The following HMGA2 variants were observed in gnomAD, a reference collection of about 807,000 sequenced individuals.
The protein encoded by HMGA2 is high mobility group protein HMGI-C.
HMGA2 carries 8 observed loss-of-function variants against 19.1 expected under a neutral mutation model. The ratio of observed to expected loss-of-function variants is 0.42; its 90% CI spans 0.25 to 0.76. The LOEUF (loss-of-function observed/expected upper bound fraction) is 0.76. Ranked by LOEUF, HMGA2 falls within the 30% of genes least tolerant of loss-of-function variation. The pLI, the probability that HMGA2 is intolerant of heterozygous loss-of-function variation, is 0.28. For missense variants in HMGA2, 109 were observed against 136.3 expected (o/e 0.80, Z 1.00); for synonymous variants, 60 against 48.8 (o/e 1.23, Z -0.96).
intron 3 of HMGA2, among the ~76,000 whole-genome samples, chr12:65,880,931 C>T (rs148014574): frequency 0.012 from 1,758 of 152,210 alleles, 35 homozygotes; most frequent in African/African-American, 0.041. Flanking sequence ...ATGACTGGCA[C>T]GATTCTATCC....
intron 4 of HMGA2, among the ~76,000 whole-genome samples, chr12:65,959,893 T>C (rs571310604): frequency 6.6e-6 from 1 of 152,278 alleles, no homozygotes; most frequent in East Asian, 1.9e-4. Context: ...TTTTTCTTTT[T>C]TTTTCTTTTT....
chr12:65,913,545 C>A (rs2121219779), intron 3 of HMGA2, among the ~76,000 whole-genome samples: 1 of 152,314 alleles, frequency 6.6e-6, no homozygotes, highest in South Asian at 2.1e-4. Flanking sequence ...TATCACTTTT[C>A]AGTCATTTTT....
chr12:65,953,325 T>C (rs1876517361), intron 4 of HMGA2: 2 of 152,160 alleles, frequency 1.3e-5, no homozygotes, highest in African/African-American at 4.8e-5. Context: ...GGGATACAGA[T>C]GAATGAGTGG....
At chr12:65,837,937 G>T (rs2120870049) in intron 2 of HMGA2, among the ~76,000 whole-genome samples, 1 of 152,112 alleles carries the variant, frequency 6.6e-6, no homozygotes, top group East Asian at 1.9e-4. Context: ...ATTGTTTCAG[G>T]CAAGGAACAT....
chr12:65,839,023 G>C (rs1464609980), intron 3 of HMGA2, among the ~76,000 whole-genome samples: 1 of 74,026 alleles, frequency 1.4e-5, no homozygotes, highest in African/African-American at 1.3e-4. Context: ...TTTTCTCCAT[G>C]GCTTTTGTTT....
chr12:65,914,168 A>T lies in HMGA2; in HGVS notation c.250-37215A>T, dbSNP rs560486123. Among the ~76,000 whole-genome samples, 67 of 152,250 alleles carry T rather than the reference A, an allele frequency of 4.4e-4. No homozygotes were observed. In the East Asian group the frequency reaches 0.011, roughly 26 times the overall value. ...CTATATACCCAAATGACTATGAATC[A>T]TGCTGCTATAAAGACACATGCACAC... On this transcript the variant is annotated intron_variant, in intron 3 of 4. Coordinates refer to ENST00000403681, the MANE Select transcript of HMGA2 (RefSeq NM_003483.6).
intron 4 of HMGA2, among the ~76,000 whole-genome samples, chr12:65,960,361 G>A (rs1218170901): frequency 6.6e-6 from 1 of 152,154 alleles, no homozygotes; most frequent in Non-Finnish European, 1.5e-5. Context: ...AAGTCTGGCC[G>A]AACCATGACA....
intron 3 of HMGA2, chr12:65,915,643 C>A: frequency 1.4e-6 from 1 of 735,830 alleles, no homozygotes; most frequent in Non-Finnish European, 1.7e-6. Flanking sequence ...ACATTTCATT[C>A]CCAGCTTCAG....
At chr12:65,867,025 CAGA>C (rs1592401406) in intron 3 of HMGA2, 3 of 447,964 alleles carry the variant, frequency 6.7e-6, no homozygotes, top group East Asian at 1.4e-4. Flanking sequence ...CTAAACACTG[CAGA>C]AGAACAAAGT....
At chr12:65,885,889 T>G (rs999689869) in intron 3 of HMGA2, among the ~76,000 whole-genome samples, 1 of 152,216 alleles carries the variant, frequency 6.6e-6, no homozygotes, top group African/African-American at 2.4e-5. Context: ...AATTACTCAG[T>G]TAAATGGGGA....
intron 3 of HMGA2, among the ~76,000 whole-genome samples, chr12:65,928,215 C>G (rs1360391979): frequency 1.3e-5 from 2 of 151,962 alleles, no homozygotes; most frequent in Non-Finnish European, 2.9e-5. Context: ...AAACTGTAGG[C>G]AATTGTAACA....
At chr12:65,949,000 C>G (rs548383649) in intron 3 of HMGA2, among the ~76,000 whole-genome samples, 8 of 152,086 alleles carry the variant, frequency 5.3e-5, no homozygotes, top group African/African-American at 1.9e-4. Flanking sequence ...AACATGTGTA[C>G]AGGTGTAATC....
At chr12:65,921,338 C>A (rs1391320172) in intron 3 of HMGA2, among the ~76,000 whole-genome samples, 2 of 152,204 alleles carry the variant, frequency 1.3e-5, no homozygotes, top group Non-Finnish European at 2.9e-5. Flanking sequence ...CGGCTCACTG[C>A]AAGCTCCGCC....
intron 3 of HMGA2, among the ~76,000 whole-genome samples, chr12:65,838,986 C>CTTTTTTT (rs1236837070): frequency 2.2e-5 from 2 of 91,348 alleles, no homozygotes; most frequent in Non-Finnish European, 3.7e-5. Context: ...CTTTTTCTTT[C>CTTTTTTT]TTTTTCTTTT....
At chr12:65,912,874 G>A (rs528654815) in intron 3 of HMGA2, among the ~76,000 whole-genome samples, 12 of 152,212 alleles carry the variant, frequency 7.9e-5, no homozygotes, top group East Asian at 5.8e-4. Context: ...AAATGAGAAC[G>A]TTATTCATCT....
intron 3 of HMGA2, among the ~76,000 whole-genome samples, chr12:65,873,395 TA>T (rs63475560): frequency 0.051 from 7,717 of 152,248 alleles, 297 homozygotes; most frequent in Non-Finnish European, 0.078. Flanking sequence ...CTTTTCTCAA[TA>T]TTTTTTTCGT....
chr12:65,961,344 C>G (rs1565743652), intron 4 of HMGA2, among the ~76,000 whole-genome samples: 1 of 152,184 alleles, frequency 6.6e-6, no homozygotes, highest in Non-Finnish European at 1.5e-5. Context: ...GTCTCTCTTT[C>G]GTCTGCCCAT....
chr12:65,879,435 G>C (rs1442494199), intron 3 of HMGA2, among the ~76,000 whole-genome samples: 2 of 152,052 alleles, frequency 1.3e-5, no homozygotes, highest in African/African-American at 4.8e-5. Context: ...TGGCAATAAA[G>C]CACTTTTAAC....
At chr12:65,901,218 T>C (rs1874358086) in intron 3 of HMGA2, among the ~76,000 whole-genome samples, 1 of 152,254 alleles carries the variant, frequency 6.6e-6, no homozygotes, top group African/African-American at 2.4e-5. Context: ...GAGAACATTT[T>C]AATAATGCAG....
Sources: gnomAD v4.1 joint callset for allele counts (sites outside exome capture counted in the v4.1 genomes callset) on GRCh38, gnomAD v4.1.1 for gene constraint, MANE v1.5 for transcripts, NCBI Gene and HGNC (gene_info 2026-07-23, HGNC 2026-07-21) for gene names.